KCNC4: variants seen among roughly 807,000 people sequenced by gnomAD.
KCNC4 encodes potassium voltage-gated channel subfamily C member 4, also known as voltage-gated potassium channel KCNC4.
A neutral mutation model predicts 42.8 loss-of-function variants in KCNC4; 23 were observed. The observed-to-expected ratio is 0.54, with a 90% CI of 0.39 to 0.76. The LOEUF is 0.76. Among genes scored for constraint, KCNC4 ranks in the 30% least tolerant of loss-of-function variants. The pLI, the probability that KCNC4 is intolerant of heterozygous loss-of-function variation, is 0.00. For missense variants in KCNC4, 751 were observed against 898.2 expected (o/e 0.84, Z 2.10); for synonymous variants, 422 against 393.5 (o/e 1.07, Z -0.86).
At chr1:110,252,187 G>A (rs1659260775), downstream of KCNC4, among the ~76,000 whole-genome samples, 1 of 152,198 alleles carries the variant, frequency 6.6e-6, no homozygotes, top group Admixed American at 6.5e-5. Context: ...GGCAGCTTGG[G>A]GAGCTCAGAG....
chr1:110,261,860 T>A (rs1303722875), intron 1 of KCNC4, among the ~76,000 whole-genome samples: 2 of 152,244 alleles, frequency 1.3e-5, no homozygotes, highest in Admixed American at 1.3e-4. Flanking sequence ...GTACTTAAGG[T>A]TTATCAAAAT....
intron 3 of KCNC4, among the ~76,000 whole-genome samples, chr1:110,227,596 C>T (rs1658467857): frequency 6.6e-6 from 1 of 152,202 alleles, no homozygotes; most frequent in South Asian, 2.1e-4. Context: ...GCCTTCTCTC[C>T]CGCCGACCAT....
intron 1 of KCNC4, among the ~76,000 whole-genome samples, chr1:110,280,030 C>G (rs1353235219): frequency 7.2e-5 from 11 of 152,064 alleles, no homozygotes; most frequent in Admixed American, 1.3e-4. Flanking sequence ...ATCCACATGC[C>G]TTGGCCTCCC....
intron 1 of KCNC4, among the ~76,000 whole-genome samples, chr1:110,261,462 C>T (rs1217361588): frequency 6.6e-6 from 1 of 152,144 alleles, no homozygotes; most frequent in Non-Finnish European, 1.5e-5. Flanking sequence ...TTTCTAACAT[C>T]TCAGTTAATG....
At chr1:110,241,173 ACT>A (rs1392027807) in exon 4 of KCNC4, 1 of 151,612 alleles carries the variant, frequency 6.6e-6, no homozygotes, top group Non-Finnish European at 1.5e-5. Flanking sequence ...GCTCTCTAAT[ACT>A]CTCTATCTTT....
chr1:110,247,649 G>A (rs1659180195), exon 4 of KCNC4: 1 of 148,954 alleles, frequency 6.7e-6, no homozygotes, highest in African/African-American at 2.5e-5. Context: ...CTGCCTTCTG[G>A]GTTCAAGTGA....
intron 1 of KCNC4, among the ~76,000 whole-genome samples, chr1:110,274,009 GAAAT>G (rs1255484356): frequency 6.6e-6 from 1 of 152,060 alleles, no homozygotes; most frequent in Non-Finnish European, 1.5e-5. Context: ...GCAACAGAAA[GAAAT>G]AAAAGGCATC....
intron 1 of KCNC4, among the ~76,000 whole-genome samples, chr1:110,273,011 G>A (rs1165815258): frequency 1.3e-5 from 2 of 152,214 alleles, no homozygotes; most frequent in African/African-American, 2.4e-5. Flanking sequence ...GTAAATCTCC[G>A]CAGTTCCCCT....
At chr1:110,254,095 G>T (rs202137309), downstream of KCNC4, among the ~76,000 whole-genome samples, 10,819 of 134,528 alleles carry the variant, frequency 0.08, 874 homozygotes, top group African/African-American at 0.16. Context: ...GAAGTCGGGG[G>T]GGGGGCGGCG....
intron 1 of KCNC4, among the ~76,000 whole-genome samples, chr1:110,275,919 C>T (rs1474627174): frequency 1.4e-5 from 2 of 140,984 alleles, no homozygotes; most frequent in Admixed American, 1.5e-4. Flanking sequence ...GATCACGCCA[C>T]TGCACTCCAG....
chr1:110,241,830 G>C (rs1659040260), exon 4 of KCNC4: 1 of 152,128 alleles, frequency 6.6e-6, no homozygotes, highest in African/African-American at 2.4e-5. Context: ...CTCCATTATA[G>C]CACTTACTGC....
At chr1:110,232,885 C>G (rs1307150070) in intron 3 of KCNC4, 26 bp from the exon 4 acceptor site, 5 of 1,604,380 alleles carry the variant, frequency 3.1e-6, no homozygotes, top group Admixed American at 1.7e-5. Context: ...GTCCCAGTGT[C>G]TCACACCTGT....
At chr1:110,281,284 G>A (rs1401182117) in intron 1 of KCNC4, among the ~76,000 whole-genome samples, 1 of 152,032 alleles carries the variant, frequency 6.6e-6, no homozygotes, top group African/African-American at 2.4e-5. Flanking sequence ...TATGGTTAAT[G>A]AGCTGTGGAA....
At chr1:110,231,188 A>G (rs1408467057) in intron 3 of KCNC4, among the ~76,000 whole-genome samples, 1 of 152,208 alleles carries the variant, frequency 6.6e-6, no homozygotes, top group African/African-American at 2.4e-5. Flanking sequence ...AGGGCACTGC[A>G]ACCTAGAAGC....
Position 110,210,944 on chromosome 1 carries a change from G to A in KCNC4, c.-556G>A, listed in dbSNP as rs527559895. Among the ~76,000 whole-genome samples the A allele has an allele frequency of 2.6e-5, 4 of 152,166 alleles. No homozygotes were observed. Among genetic ancestry groups the A allele is most frequent in the South Asian group, 4.1e-4 (2 of 4,828 alleles). On this transcript the variant is annotated 5_prime_UTR_variant, in exon 1 of 4. Transcript: ENST00000438661. ...GCCTCGTGTTGACCGCAAGCAGCCC[G>A]GGCCCACGGAGCTCCGGCTGCCGTG...
chr1:110,223,875 G>A lies in KCNC4; in HGVS notation c.1590G>A (p.Glu530=), dbSNP rs1366209871. The change falls in exon 2 of 4, where the codon GAG becomes GAA. Residue 530 remains glutamate (E), a synonymous_variant. Transcript: ENST00000438661. The surrounding 1 kb of genome is among the most constrained non-coding windows in gnomAD (Gnocchi z 7.5). ...ATACCAGCCCCCCTGCCCGGGAAGA[G>A]GGTATGATCGAGAGGAAACGGGCAG... ...CSDTSPPARE[E]GMIERKRADS... The A allele has an allele frequency of 5.6e-6, 9 of 1,599,592 alleles. No individual in the cohort carries two copies. The highest frequency in any genetic ancestry group is 6.8e-6 in the Non-Finnish European group (8 of 1,171,236).
At chr1:110,276,762 T>C (rs1659733618) in intron 1 of KCNC4, among the ~76,000 whole-genome samples, 1 of 152,174 alleles carries the variant, frequency 6.6e-6, no homozygotes, top group East Asian at 1.9e-4. Context: ...ACATTTTGTA[T>C]TCAACACATC....
chr1:110,218,821 T>C (rs1657942921), intron 1 of KCNC4, among the ~76,000 whole-genome samples: 1 of 152,172 alleles, frequency 6.6e-6, no homozygotes, highest in South Asian at 2.1e-4. Flanking sequence ...GTAATAGGGC[T>C]GAACAACTGG....
exon 4 of KCNC4, chr1:110,248,766 C>G (rs1488672829): frequency 2.0e-5 from 3 of 152,158 alleles, no homozygotes; most frequent in Non-Finnish European, 4.4e-5. Context: ...ATGGCAGAGA[C>G]TCAATTATTA....
Sources: gnomAD v4.1 joint callset for allele counts (sites outside exome capture counted in the v4.1 genomes callset) on GRCh38, gnomAD v4.1.1 for gene constraint, Gnocchi (gnomAD v3.1) non-coding constraint, MANE v1.5 for transcripts, NCBI Gene and HGNC (gene_info 2026-07-23, HGNC 2026-07-21) for gene names.